CEP41: variants seen among roughly 807,000 people sequenced by gnomAD.
The protein encoded by CEP41 is centrosomal protein of 41 kDa.
CEP41 carries 32 observed loss-of-function variants against 44.3 expected under a neutral mutation model. The observed-to-expected ratio is 0.72, with a 90% CI of 0.54 to 0.97. The LOEUF is 0.97. CEP41 is among the 50% of genes least tolerant of loss of function. The pLI is 0.00. For synonymous variants in CEP41, 151 were observed against 168.5 expected (o/e 0.90, Z 0.80); for missense variants, 432 against 455.2 (o/e 0.95, Z 0.46).
At chr7:130,402,302 C>T (rs1053149826) in intron 7 of CEP41, among the ~76,000 whole-genome samples, 14 of 148,714 alleles carry the variant, frequency 9.4e-5, no homozygotes, top group Middle Eastern at 3.4e-3. Context: ...GCTGTGATCG[C>T]GCCACTACAC....
At chr7:130,404,435 G>A (rs1796945148) in intron 6 of CEP41, 129 bp downstream of exon 6, 5 of 733,730 alleles carry the variant, frequency 6.8e-6, no homozygotes, top group Non-Finnish European at 1.2e-5. Context: ...AGAAGGCTGG[G>A]ATTAAAATGT....
chr7:130,413,078 G>A (rs914508233), intron 3 of CEP41, among the ~76,000 whole-genome samples: 2 of 150,242 alleles, frequency 1.3e-5, no homozygotes, highest in Admixed American at 1.3e-4. Flanking sequence ...TGCCACCTCC[G>A]CCTCTCAGGT....
chr7:130,440,215 T>C (rs550243296), intron 1 of CEP41, among the ~76,000 whole-genome samples: 7 of 152,254 alleles, frequency 4.6e-5, no homozygotes, highest in African/African-American at 1.4e-4. Context: ...GAGACGGGGT[T>C]TCGCCATGTT....
At chr7:130,425,003 A>T (rs1318331270) in intron 2 of CEP41, among the ~76,000 whole-genome samples, 6 of 152,264 alleles carry the variant, frequency 3.9e-5, no homozygotes, top group Admixed American at 3.9e-4. Flanking sequence ...AAAATTCAAC[A>T]GTAAAAAAGC....
chr7:130,418,010 T>C (rs1411245356), intron 2 of CEP41, among the ~76,000 whole-genome samples: 1 of 152,212 alleles, frequency 6.6e-6, no homozygotes, highest in Non-Finnish European at 1.5e-5. Flanking sequence ...AAATACATTT[T>C]CAAAAAAACA....
chr7:130,425,814 A>G (rs1307215367), intron 2 of CEP41, among the ~76,000 whole-genome samples: 1 of 152,268 alleles, frequency 6.6e-6, no homozygotes, highest in Non-Finnish European at 1.5e-5. Context: ...CCAGCCATTA[A>G]TAAAATGGAA....
intron 1 of CEP41, among the ~76,000 whole-genome samples, chr7:130,431,986 T>C (rs1252621191): frequency 1.3e-5 from 2 of 152,028 alleles, no homozygotes; most frequent in Non-Finnish European, 2.9e-5. Flanking sequence ...GGCATCTTAG[T>C]GGGTAGAGGC....
chr7:130,436,648 T>G (rs1260387453), intron 1 of CEP41, among the ~76,000 whole-genome samples: 3 of 152,024 alleles, frequency 2.0e-5, no homozygotes, highest in Non-Finnish European at 4.4e-5. Context: ...GTACTATTTT[T>G]TTTTTTTTTG....
chr7:130,397,219 C>T lies in CEP41; in HGVS notation c.*1672G>A. 2.2e-6 allele frequency: 1 copy of T among 454,514 alleles called. No homozygotes were observed. The highest frequency in any genetic ancestry group is 4.4e-6 in the Non-Finnish European group (1 of 226,796). The allele number at this position is 454,514 out of a possible 1,614,324, so 28.2% of individuals were successfully genotyped here. ...GCAATAAATTTATGGGGAAACATGACAGGCTCCTCATTAAAGCTATGTGTA... is the reference window on the plus strand; with the variant it reads ...GCAATAAATTTATGGGGAAACATGATAGGCTCCTCATTAAAGCTATGTGTA... On this transcript the variant is annotated 3_prime_UTR_variant, in exon 11 of 11. Coordinates refer to ENST00000223208, the MANE Select transcript of CEP41 (RefSeq NM_018718.3).
chr7:130,423,481 T>A (rs1196053130), intron 2 of CEP41, among the ~76,000 whole-genome samples: 1 of 152,174 alleles, frequency 6.6e-6, no homozygotes, highest in African/African-American at 2.4e-5. Context: ...GCATTGGTGA[T>A]GATGTGGAGA....
intron 1 of CEP41, among the ~76,000 whole-genome samples, chr7:130,437,509 C>T (rs1177199353): frequency 6.6e-6 from 1 of 151,892 alleles, no homozygotes; most frequent in Non-Finnish European, 1.5e-5. Flanking sequence ...TGTGGTGGCT[C>T]ACACCTGTAA....
At position 130,439,219 on chromosome 7, in the gene CEP41, TTAATAA is replaced by T. The variant is rs376993887; in HGVS notation, c.33+1709_33+1714del. On this transcript the variant is annotated intron_variant, in intron 1 of 10. Transcript: ENST00000223208. The stretch of plus-strand genomic sequence containing the variant: ...ATATTTTCTCTTCCTTATGATTTTC[TTAATAA>T]TAATCTTTCCTCCAGCTTACTTTAA... 2.6e-5 allele frequency among the ~76,000 whole-genome samples: 4 copies of T among 152,354 alleles called. No individual in the cohort carries two copies. The East Asian group carries it at 7.7e-4, about 29-fold the overall frequency.
intron 2 of CEP41, chr7:130,422,145 T>TA: frequency 1.0e-6 from 1 of 991,684 alleles, no homozygotes; most frequent in East Asian, 2.8e-5. Flanking sequence ...AGGAGGAAGA[T>TA]AGCAGTCTTT....
Position 130,420,759 on chromosome 7 carries a change from G to A in CEP41, c.98-3793C>T, listed in dbSNP as rs143946588. On this transcript the variant is annotated intron_variant, in intron 2 of 10. Coordinates refer to ENST00000223208, the MANE Select transcript of CEP41 (RefSeq NM_018718.3). ...TGCACTCCAGCTTGGGCAACAGAGC[G>A]AGACTTCATCTCAATAAATAAATAA... 2.3e-3 allele frequency: 1,015 copies of A among 449,340 alleles called. 9 individuals are homozygous for A. The highest frequency in any genetic ancestry group is 0.017 in the African/African-American group (816 of 47,048). The allele number at this position is 449,340 out of a possible 1,614,324, so 27.8% of individuals were successfully genotyped here.
intron 2 of CEP41, among the ~76,000 whole-genome samples, chr7:130,425,082 C>G (rs1554423072): frequency 6.6e-6 from 1 of 152,084 alleles, no homozygotes; most frequent in Non-Finnish European, 1.5e-5. Context: ...ATACAGAAAA[C>G]AAACAAGCAC....
intron 1 of CEP41, among the ~76,000 whole-genome samples, chr7:130,437,736 C>T (rs1554426435): frequency 7.6e-6 from 1 of 131,648 alleles, no homozygotes; most frequent in Non-Finnish European, 1.5e-5. Context: ...CACTGCACTC[C>T]AGCCTGGGTG....
chr7:130,407,007 A>G lies in CEP41; in HGVS notation c.278-2299T>C, dbSNP rs782548027. Among the ~76,000 whole-genome samples, 7 of 151,966 alleles carry G rather than the reference A, an allele frequency of 4.6e-5. No homozygotes were observed. The Middle Eastern group carries it at 0.01, about 222-fold the overall frequency. The stretch of plus-strand genomic sequence containing the variant: ...TAAAAAATATATATATATACTCTCC[A>G]AGAAATGATCCTAAACTGAATGTAA... On this transcript the variant is annotated intron_variant, in intron 5 of 10. Transcript: ENST00000223208.
At chr7:130,433,243 G>A (rs1797873406) in intron 1 of CEP41, among the ~76,000 whole-genome samples, 1 of 151,978 alleles carries the variant, frequency 6.6e-6, no homozygotes, top group African/African-American at 2.4e-5. Context: ...AGGCGAAGGA[G>A]GAAAGAGGAC....
Position 130,400,780 on chromosome 7 carries a change from A to G in CEP41, c.684T>C (p.Asp228=), listed in dbSNP as rs1796819551. 4 of 1,613,636 alleles carry G rather than the reference A, an allele frequency of 2.5e-6. No individual in the cohort carries two copies. Among genetic ancestry groups the G allele is most frequent in the Admixed American group, 1.7e-5 (1 of 59,982 alleles). ...TGGCCGCCTGACTGGCCAGCCTTTC[A>G]TCATCGTCATACAGAATGATGATCT... The part of the protein sequence containing the change: ...HGKIIILYDD[D]ERLASQAATT... The change falls in exon 9 of 11, where the codon GAT becomes GAC. Residue 228 remains aspartate, a synonymous_variant. Transcript: ENST00000223208.
Sources: gnomAD v4.1 joint callset for allele counts (sites outside exome capture counted in the v4.1 genomes callset) on GRCh38, gnomAD v4.1.1 for gene constraint, MANE v1.5 for transcripts, NCBI Gene and HGNC (gene_info 2026-07-23, HGNC 2026-07-21) for gene names.